PIEZO1: variants seen among roughly 807,000 people sequenced by gnomAD.
PIEZO1 encodes piezo-type mechanosensitive ion channel component 1.
A neutral mutation model predicts 297.2 loss-of-function variants in PIEZO1; 296 were observed. The ratio of observed to expected loss-of-function variants is 1.00; its 90% CI spans 0.91 to 1.10. PIEZO1 has a LOEUF of 1.10. PIEZO1 is among the 50% of genes least tolerant of loss of function. The pLI, the probability that PIEZO1 is intolerant of heterozygous loss-of-function variation, is 0.00. For missense variants in PIEZO1, 5,018 were observed against 3,455.5 expected, an observed-to-expected ratio of 1.45 and a Z score of -11.34; for synonymous variants, 2,427 against 1,507.5, an observed-to-expected ratio of 1.61 and a Z score of -14.13.
rs937876589 is a variant in PIEZO1 at position 88,759,886 on chromosome 16, C to G, written c.65-10407G>C. 1.1e-4 allele frequency among the ~76,000 whole-genome samples: 17 copies of G among 152,278 alleles called. 1 individual carries two copies. Among genetic ancestry groups the G allele is most frequent in the Admixed American group, 2.0e-4 (3 of 15,310 alleles). ...CTTGGACAGCAGACAGAGGGGGAAG[C>G]TGTGTGGGGAGGGGACCTGGGGGGC... On this transcript the variant is annotated intron_variant, in intron 1 of 50. Transcript: ENST00000301015.
Position 88,732,621 on chromosome 16 carries a change from G to C in PIEZO1, c.2776C>G (p.Leu926Val), listed in dbSNP as rs1319685835. The C allele has an allele frequency of 6.5e-7, 1 of 1,549,350 alleles. No homozygotes were observed. The highest frequency in any genetic ancestry group is 1.4e-5 in the African/African-American group (1 of 73,162). The part of the protein sequence containing the change: ...WFGVRKGFPN[L>V]GYIQNHLQVL... ...CTTCAACTCACCTGGATGTAGCCCA[G>C]GTTGGGGAACCCTTTCCGCACCCCA... The change falls in exon 20 of 51, where the codon CTG becomes GTG. Residue 926 changes from leucine to valine, a missense_variant. By Grantham distance (32) the Leu-to-Val change is conservative. Coordinates refer to ENST00000301015, the MANE Select transcript of PIEZO1 (RefSeq NM_001142864.4).
Position 88,725,441 on chromosome 16 carries a change from G to A in PIEZO1, c.4137C>T (p.Gly1379=), listed in dbSNP as rs1030064594. 38 of 1,479,072 alleles carry A rather than the reference G, an allele frequency of 2.6e-5. No homozygotes were observed. The highest frequency in any genetic ancestry group is 3.1e-5 in the Non-Finnish European group (35 of 1,112,404). 91.6% of individuals were successfully genotyped at this position (1,479,072 alleles called of 1,614,324 possible). Residue 1379 remains glycine (G), a synonymous_variant, in exon 29 of 51, where the codon GGC becomes GGT. Transcript: ENST00000301015. ...CTGGCTCCAGGCCGGGGTCCTTGGGGCCCAGGGTGTCCTGGGGGCGACTGC... is the reference window on the plus strand; with the variant it reads ...CTGGCTCCAGGCCGGGGTCCTTGGGACCCAGGGTGTCCTGGGGGCGACTGC... ...VDRSRPQDTL[G]PKDPGLEPGP...
intron 44 of PIEZO1, chr16:88,717,730 G>A (rs1039866232): frequency 6.8e-6 from 3 of 441,306 alleles, no homozygotes; most frequent in Admixed American, 2.5e-5. Context: ...GAAATTTTCT[G>A]CAAATTTTAA....
chr16:88,717,915 T>A, intron 44 of PIEZO1: 1 of 389,942 alleles, frequency 2.6e-6, no homozygotes, highest in South Asian at 1.9e-5. Context: ...GAGACGAACC[T>A]GGCCAAAAAT....
Position 88,738,093 on chromosome 16 carries a change from G to C in PIEZO1, c.861C>G (p.Leu287=), listed in dbSNP as rs374688408. Residue 287 remains leucine, a synonymous_variant, in exon 8 of 51, where the codon CTC becomes CTG. Transcript: ENST00000301015. ...PAGIWARVLG[L]KDFVGPTNCS... Reference sequence around the variant, plus strand: ...AGTTGGTGGGACCCACGAAGTCCTTGAGACCCAGCACCCTGTCCAGAGAAG... The same window carrying C: ...AGTTGGTGGGACCCACGAAGTCCTTCAGACCCAGCACCCTGTCCAGAGAAG... The C allele has an allele frequency of 6.5e-7, 1 of 1,535,844 alleles. No homozygotes were observed. The highest frequency in any genetic ancestry group is 8.7e-7 in the Non-Finnish European group (1 of 1,146,848).
rs1463367824 is a variant in PIEZO1 at position 88,741,465 on chromosome 16, C to T, written c.465+13G>A. The T allele has an allele frequency of 6.5e-6, 10 of 1,530,486 alleles. No homozygotes were observed. The African/African-American group carries it at 1.1e-4, about 17-fold the overall frequency. The allele number at this position is 1,530,486 out of a possible 1,614,324, so 94.8% of individuals were successfully genotyped here. On this transcript the variant is annotated intron_variant, in intron 5 of 50. Transcript: ENST00000301015. ...TGACCTCCCTGACACACGGGTGACG[C>T]AGCTGCCCTCACCAGCTCCCGTGGA...
intron 23 of PIEZO1, 143 bp downstream of exon 23, chr16:88,727,414 G>A: frequency 1.5e-6 from 1 of 649,148 alleles, no homozygotes; most frequent in Non-Finnish European, 2.6e-6. Context: ...GTGCGTGCGT[G>A]CGAGGTCAGG....
At chr16:88,736,484 G>A (rs1022230097) in intron 11 of PIEZO1, 76 bp from the exon 12 acceptor site, 16 of 612,888 alleles carry the variant, frequency 2.6e-5, no homozygotes, top group Non-Finnish European at 4.5e-5. Context: ...GCGGCAGAGG[G>A]GGCTGCACAG....
At chr16:88,757,009 G>A (rs1423130102) in intron 1 of PIEZO1, among the ~76,000 whole-genome samples, 1 of 152,118 alleles carries the variant, frequency 6.6e-6, no homozygotes, top group Non-Finnish European at 1.5e-5. Flanking sequence ...CCAGGAGATG[G>A]AGCTTGCAGT....
At position 88,719,648 on chromosome 16, in the gene PIEZO1, G is replaced by C. The variant is rs1390948330; in HGVS notation, c.6397C>G (p.Leu2133Val). 4 of 1,554,104 alleles carry C rather than the reference G, an allele frequency of 2.6e-6. No homozygotes were observed. Among genetic ancestry groups the C allele is most frequent in the Non-Finnish European group, 3.5e-6 (4 of 1,148,996 alleles). Residue 2133 changes from leucine to valine, a missense_variant, in exon 44 of 51, where the codon CTG (leucine) becomes GTG (valine). Physicochemically the swap from Leu to Val is conservative, Grantham distance 32. Coordinates refer to ENST00000301015, the MANE Select transcript of PIEZO1 (RefSeq NM_001142864.4). The stretch of plus-strand genomic sequence containing the variant: ...TCCTCCACACACATCCAGCTGGACA[G>C]GGACAGCGTGGTGTCCGTCCACACC... The part of the protein sequence containing the change: ...DWVWTDTTLS[L>V]SSWMCVEDIY...
At chr16:88,747,470 C>G (rs796165541) in intron 2 of PIEZO1, among the ~76,000 whole-genome samples, 1 of 152,214 alleles carries the variant, frequency 6.6e-6, no homozygotes, top group Non-Finnish European at 1.5e-5. Context: ...GAGCCCAGAT[C>G]GTGCCATTGC....
intron 6 of PIEZO1, 58 bp downstream of exon 6, chr16:88,738,510 G>A (rs372328955): frequency 2.1e-6 from 3 of 1,445,940 alleles, no homozygotes; most frequent in African/African-American, 2.3e-5. Context: ...ACAGTCATCA[G>A]GGAACTCCCA....
Position 88,779,360 on chromosome 16 carries a change from G to A in PIEZO1, c.64+5541C>T, listed in dbSNP as rs764860940. ...GGCAAGGGATCCCATTTTGGACGGC[G>A]TCGGGGGAGCCCCATTTTCCTGGCA... On this transcript the variant is annotated intron_variant, in intron 1 of 50. Coordinates refer to ENST00000301015, the MANE Select transcript of PIEZO1 (RefSeq NM_001142864.4). Among the ~76,000 whole-genome samples, 15 of 152,288 alleles carry A rather than the reference G, an allele frequency of 9.8e-5. No homozygotes were observed. In the East Asian group the frequency reaches 1.2e-3, roughly 12 times the overall value.
chr16:88,748,488 T>TCC (rs67008739), intron 2 of PIEZO1, among the ~76,000 whole-genome samples: 1 of 136,180 alleles, frequency 7.3e-6, no homozygotes, highest in Non-Finnish European at 1.6e-5. Flanking sequence ...GGGTCTCAGC[T>TCC]CCCCCCCCCC....
chr16:88,766,318 C>A (rs1907177026), intron 1 of PIEZO1, among the ~76,000 whole-genome samples: 1 of 152,184 alleles, frequency 6.6e-6, no homozygotes, highest in Admixed American at 6.5e-5. Context: ...GGCCTGAGCG[C>A]ACAGCCTGGA....
At chr16:88,769,770 G>A (rs1198028846) in intron 1 of PIEZO1, among the ~76,000 whole-genome samples, 4 of 151,888 alleles carry the variant, frequency 2.6e-5, no homozygotes, top group Non-Finnish European at 4.4e-5. Context: ...TGGGCGGAGC[G>A]TGGTGGGAAA....
chr16:88,738,162 GC>G (rs1905378167), intron 7 of PIEZO1, 57 bp from the exon 8 acceptor site: 1 of 1,533,884 alleles, frequency 6.5e-7, no homozygotes. Flanking sequence ...GGCCACAGGG[GC>G]TAGACGAGCC....
At position 88,733,450 on chromosome 16, in the gene PIEZO1, G is replaced by T; in HGVS notation, c.2492C>A (p.Ser831Ter). ...YTVWVALKEV[S>*]VMNLLLVVLW... ...CACCACCAGCAGCAGGTTCATCACCGACACCTGAGGGCAGTGGGCACGTGG... is the reference window on the plus strand; with the variant it reads ...CACCACCAGCAGCAGGTTCATCACCTACACCTGAGGGCAGTGGGCACGTGG... The change falls in exon 19 of 51, where the codon TCG becomes TAG. Residue 831 changes from serine (S) to a stop codon, truncating the protein, a stop_gained. Coordinates refer to ENST00000301015, the MANE Select transcript of PIEZO1 (RefSeq NM_001142864.4). LOFTEE classifies it high-confidence loss of function. The T allele has an allele frequency of 6.5e-7, 1 of 1,548,712 alleles. No homozygotes were observed. Among genetic ancestry groups the T allele is most frequent in the Admixed American group, 2.0e-5 (1 of 50,972 alleles).
chr16:88,722,714 G>A (rs1455438894), intron 34 of PIEZO1, 25 bp from the exon 35 acceptor site: 11 of 1,533,400 alleles, frequency 7.2e-6, no homozygotes, highest in East Asian at 2.4e-5. Flanking sequence ...AGGGGGCTCA[G>A]GGCTGCGTCC....
Sources: gnomAD v4.1 joint callset for allele counts (sites outside exome capture counted in the v4.1 genomes callset) on GRCh38, gnomAD v4.1.1 for gene constraint, MANE v1.5 for transcripts, NCBI Gene and HGNC (gene_info 2026-07-23, HGNC 2026-07-21) for gene names.